Variants in ACOXL observed in about 807,000 individuals in gnomAD.
ACOXL encodes the protein acyl-CoA oxidase like.
ACOXL carries 70 observed loss-of-function variants against 71.9 expected under a neutral mutation model. The observed-to-expected ratio is 0.97, with a 90% CI of 0.80 to 1.19. The LOEUF is 1.19. Among genes scored for constraint, ACOXL ranks in the 50% most tolerant of loss-of-function variants. The pLI is 0.00. For missense variants in ACOXL, 703 were observed against 736.3 expected (o/e 0.95, Z 0.52); for synonymous variants, 253 against 281.6 (o/e 0.90, Z 1.02).
intron 9 of ACOXL, among the ~76,000 whole-genome samples, chr2:110,825,789 T>C (rs1447207593): frequency 6.6e-6 from 1 of 152,172 alleles, no homozygotes; most frequent in Admixed American, 6.5e-5. Flanking sequence ...ATAAATGTCT[T>C]GGGCCCCCAG....
Position 111,020,358 on chromosome 2 carries a change from C to T in ACOXL, c.1282-11269C>T, listed in dbSNP as rs767589457. Among the ~76,000 whole-genome samples the T allele has an allele frequency of 3.3e-5, 5 of 152,130 alleles. No homozygotes were observed. The East Asian group carries it at 5.8e-4, about 18-fold the overall frequency. ...TCAAAAGTTTCTGTGGTGGACATGC[C>T]GGCTTGGTGGGAGCTCCCAGGAGGA... On this transcript the variant is annotated intron_variant, in intron 14 of 17. Coordinates refer to ENST00000439055, the MANE Select transcript of ACOXL (RefSeq NM_001142807.4).
intron 10 of ACOXL, among the ~76,000 whole-genome samples, chr2:110,855,925 T>G (rs1693182624): frequency 6.6e-6 from 1 of 152,276 alleles, no homozygotes; most frequent in East Asian, 1.9e-4. Context: ...CGCTGCTGGC[T>G]GGGGTGGCCA....
At chr2:111,093,005 A>T (rs1461724843) in intron 17 of ACOXL, 39 bp downstream of exon 17, 4 of 1,512,688 alleles carry the variant, frequency 2.6e-6, no homozygotes, top group African/African-American at 1.4e-5. Context: ...TTTGTACATC[A>T]GCCCTGGTCT....
Position 110,936,850 on chromosome 2 carries a change from A to AT in ACOXL, c.1059+3223dup, listed in dbSNP as rs34395577. Among the ~76,000 whole-genome samples the AT allele has an allele frequency of 2.1e-3, 290 of 141,292 alleles. 1 individual carries two copies. Among genetic ancestry groups the AT allele is most frequent in the Middle Eastern group, 3.6e-3 (1 of 278 alleles). The allele number at this position is 141,292 out of a possible 152,430, so 92.7% of individuals were successfully genotyped here. A position where few individuals can be genotyped will look rare whatever the true frequency, so the allele number is the denominator to read the frequency against. ...GCTCTCTGAACCACTTATTTTAGGG[A>AT]TTTTTTTTTTTTTTTGAGATGGAGT... On this transcript the variant is annotated intron_variant, in intron 12 of 17. Transcript: ENST00000439055.
At chr2:110,959,645 C>G (rs1333018522) in intron 12 of ACOXL, among the ~76,000 whole-genome samples, 1 of 152,072 alleles carries the variant, frequency 6.6e-6, no homozygotes, top group African/African-American at 2.4e-5. Context: ...TTTGAGAGAG[C>G]TTGAGTCACC....
chr2:110,994,914 G>A (rs530647918), intron 13 of ACOXL, among the ~76,000 whole-genome samples: 24 of 152,158 alleles, frequency 1.6e-4, no homozygotes, highest in Non-Finnish European at 2.2e-4. Context: ...GTGACCTTGA[G>A]CAAGTTACCA....
At chr2:110,877,347 A>G (rs1461781712) in intron 10 of ACOXL, among the ~76,000 whole-genome samples, 1 of 152,222 alleles carries the variant, frequency 6.6e-6, no homozygotes, top group African/African-American at 2.4e-5. Flanking sequence ...TGACTCTTCA[A>G]CAGCCCCGAA....
intron 9 of ACOXL, among the ~76,000 whole-genome samples, chr2:110,820,924 A>T (rs987776187): frequency 6.6e-6 from 1 of 152,026 alleles, no homozygotes; most frequent in Non-Finnish European, 1.5e-5. Flanking sequence ...GGGATTGGGA[A>T]TATGTCCTCC....
chr2:110,898,932 G>T (rs757706961), intron 10 of ACOXL, among the ~76,000 whole-genome samples: 13 of 152,188 alleles, frequency 8.5e-5, no homozygotes, highest in Non-Finnish European at 1.5e-4. Flanking sequence ...AATTATATTT[G>T]TATATACCGG....
intron 9 of ACOXL, among the ~76,000 whole-genome samples, chr2:110,818,833 T>A (rs1688272554): frequency 7.9e-6 from 1 of 127,200 alleles, no homozygotes; most frequent in African/African-American, 2.5e-5. Flanking sequence ...GGTGCTGATG[T>A]CAGCACCCTG....
Position 111,007,537 on chromosome 2 carries a change from G to A in ACOXL, c.1281+11533G>A, listed in dbSNP as rs138759186. Among the ~76,000 whole-genome samples the A allele has an allele frequency of 9.0e-4, 137 of 152,250 alleles. 1 individual carries two copies. The highest frequency in any genetic ancestry group is 6.8e-3 in the Middle Eastern group (2 of 292). On this transcript the variant is annotated intron_variant, in intron 14 of 17. Transcript: ENST00000439055. ...CTTGCCAATTGTTCCAAGCATTAAC[G>A]TTGAGAGCTCCTTCAGGTTGGCCCC...
At chr2:110,886,807 G>A in intron 10 of ACOXL, 2 of 1,551,034 alleles carry the variant, frequency 1.3e-6, no homozygotes, top group African/African-American at 1.4e-5. Context: ...CAGAACTGCT[G>A]TTCAGCTCCA....
At position 111,079,146 on chromosome 2, in the gene ACOXL, A is replaced by C. The variant is rs184300002; in HGVS notation, c.1441-13719A>C. On this transcript the variant is annotated intron_variant, in intron 16 of 17. Transcript: ENST00000439055. ...TTTTGTTAATACATGCATATATTGC[A>C]TAGTGGTAAATTCATGGATATTAGG... 6.6e-5 allele frequency among the ~76,000 whole-genome samples: 10 copies of C among 152,310 alleles called. No individual in the cohort carries two copies. In the East Asian group the frequency reaches 1.9e-3, roughly 29 times the overall value.
chr2:110,862,986 C>A (rs1034867357), intron 10 of ACOXL, among the ~76,000 whole-genome samples: 7 of 152,172 alleles, frequency 4.6e-5, no homozygotes, highest in African/African-American at 1.7e-4. Flanking sequence ...ACCTTGCCTG[C>A]CTACTCATTT....
Position 110,794,144 on chromosome 2 carries a change from G to T in ACOXL, c.315G>T (p.Gln105His). The T allele has an allele frequency of 1.2e-6, 2 of 1,614,156 alleles. No homozygotes were observed. Among genetic ancestry groups the T allele is most frequent in the South Asian group, 1.1e-5 (1 of 91,056 alleles). Reference protein sequence around the residue: ...RGHGSNARGIQTEATFDLSAQ... With the variant: ...RGHGSNARGIHTEATFDLSAQ... ...ATGGGAGCAACGCGAGAGGGATCCA[G>T]ACCGAAGCCACCTTTGACCTCTCTG... is the stretch of plus-strand genomic sequence containing the variant. The change falls in exon 5 of 18, where the codon CAG becomes CAT. Residue 105 changes from glutamine to histidine, a missense_variant. Transcript: ENST00000439055.
At chr2:110,900,647 C>T (rs764382185) in intron 10 of ACOXL, among the ~76,000 whole-genome samples, 60 of 152,288 alleles carry the variant, frequency 3.9e-4, no homozygotes, top group Non-Finnish European at 8.5e-4. Flanking sequence ...TTGACTTGGT[C>T]CCAGGATGGT....
intron 1 of ACOXL, among the ~76,000 whole-genome samples, chr2:110,751,780 C>T (rs180736075): frequency 1.1e-4 from 16 of 152,234 alleles, no homozygotes; most frequent in Non-Finnish European, 2.1e-4. Context: ...TGTTTTTCAC[C>T]CCAGTATTGG....
chr2:110,774,078 C>T (rs1682330505), intron 2 of ACOXL, among the ~76,000 whole-genome samples: 1 of 152,216 alleles, frequency 6.6e-6, no homozygotes, highest in African/African-American at 2.4e-5. Context: ...CATTATTACT[C>T]GTGCAGTGAA....
intron 9 of ACOXL, among the ~76,000 whole-genome samples, chr2:110,806,277 C>A (rs1447810708): frequency 6.6e-6 from 1 of 152,236 alleles, no homozygotes; most frequent in South Asian, 2.1e-4. Flanking sequence ...GCCATCAACA[C>A]GCGTACGCGG....
Sources: gnomAD v4.1 joint callset for allele counts (sites outside exome capture counted in the v4.1 genomes callset) on GRCh38, gnomAD v4.1.1 for gene constraint, MANE v1.5 for transcripts, NCBI Gene and HGNC (gene_info 2026-07-23, HGNC 2026-07-21) for gene names.